The following SEPTIN9 variants were observed in gnomAD, a reference collection of about 807,000 sequenced individuals.
SEPTIN9 encodes septin 9.
SEPTIN9 carries 13 observed loss-of-function variants against 56.6 expected under a neutral mutation model. The ratio of observed to expected loss-of-function variants is 0.23; its 90% confidence interval spans 0.15 to 0.37. SEPTIN9 has a LOEUF of 0.37. Among genes scored for constraint, SEPTIN9 ranks in the 10% least tolerant of loss-of-function variants. The pLI is 1.00. For missense variants in SEPTIN9, 650 were observed against 823.1 expected (o/e 0.79, Z 2.57); for synonymous variants, 332 against 334.1 (o/e 0.99, Z 0.07).
chr17:77,373,731 C>T (rs1224097909), intron 2 of SEPTIN9: 2 of 1,266,084 alleles, frequency 1.6e-6, no homozygotes, highest in African/African-American at 1.6e-5. Context: ...GTGCCCGCGC[C>T]GCCTACGTGG....
intron 1 of SEPTIN9, chr17:77,286,391 C>CT (rs1567973715): frequency 6.6e-6 from 1 of 152,512 alleles, no homozygotes; most frequent in Non-Finnish European, 1.5e-5. Flanking sequence ...GACAGTCCAC[C>CT]TTCTTCCTGG....
chr17:77,348,294 GTTTTT>G (rs367934946), intron 2 of SEPTIN9, among the ~76,000 whole-genome samples: 1 of 89,752 alleles, frequency 1.1e-5, no homozygotes, highest in Non-Finnish European at 2.0e-5. Flanking sequence ...TTTAATTTAT[GTTTTT>G]TTTTTTTTTT....
intron 2 of SEPTIN9, among the ~76,000 whole-genome samples, chr17:77,314,319 G>A (rs574477742): frequency 6.7e-6 from 1 of 149,996 alleles, no homozygotes; most frequent in Admixed American, 6.6e-5. Flanking sequence ...TGGGATTACA[G>A]GCATGAGCCA....
In SEPTIN9 at chr17:77,405,053, TG is replaced by T; in HGVS notation, c.721+2354del. 1 of 1,533,396 alleles carries T rather than the reference TG, an allele frequency of 6.5e-7. No homozygotes were observed. The highest frequency in any genetic ancestry group is 8.7e-7 in the Non-Finnish European group (1 of 1,145,638). The allele number at this position is 1,533,396 out of a possible 1,614,324, so 95.0% of individuals were successfully genotyped here. A position where few individuals can be genotyped will look rare whatever the true frequency, so the allele number is the denominator to read the frequency against. On this transcript the variant is annotated intron_variant, in intron 3 of 11. Transcript: ENST00000427177. The surrounding 1 kb of genome is among the most constrained non-coding windows in gnomAD (Gnocchi z 5.8). ...TCAGCTGAGTCAAACAGGATGTGGC[TG>T]GGGAGGCGGTTGTCACCGAGCCATC...
chr17:77,319,312 A>G lies in SEPTIN9; in HGVS notation c.76+12115A>G, dbSNP rs936307937. Among the ~76,000 whole-genome samples the G allele has an allele frequency of 5.3e-5, 8 of 152,156 alleles. No individual in the cohort carries two copies. The highest frequency in any genetic ancestry group is 1.9e-4 in the African/African-American group (8 of 41,448). Reference sequence around the variant, plus strand: ...GACCATGTGCTGGTGGGGACCCCCCAGGTAAGTAAGCAGCCTCTGAGGACC... The same window carrying G: ...GACCATGTGCTGGTGGGGACCCCCCGGGTAAGTAAGCAGCCTCTGAGGACC... On this transcript the variant is annotated intron_variant, in intron 2 of 11. Transcript: ENST00000427177. The surrounding 1 kb of genome is among the most constrained non-coding windows in gnomAD (Gnocchi z 5.3).
chr17:77,391,809 G>A (rs2035550647), intron 2 of SEPTIN9, among the ~76,000 whole-genome samples: 2 of 152,198 alleles, frequency 1.3e-5, no homozygotes, highest in South Asian at 4.1e-4. Flanking sequence ...GTTCAAGCTG[G>A]GGCTGGTTCA....
rs2034611479 is a variant in SEPTIN9 at position 77,367,694 on chromosome 17, T to G, written c.77-34365T>G. ...AGCCGGGCATGGTAGCGGGTGCCTG[T>G]AATCCCAGCTACTCGGGAGGCTGAG... On this transcript the variant is annotated intron_variant, in intron 2 of 11. Coordinates refer to ENST00000427177, the MANE Select transcript of SEPTIN9 (RefSeq NM_001113491.2). This position sits in a 1 kb window ranked among gnomAD's most constrained non-coding sequence, Gnocchi z 4.5. Among the ~76,000 whole-genome samples, 1 of 152,064 alleles carries G rather than the reference T, an allele frequency of 6.6e-6. No homozygotes were observed. Among genetic ancestry groups the G allele is most frequent in the South Asian group, 2.1e-4 (1 of 4,830 alleles).
chr17:77,456,180 T>G lies in SEPTIN9; in HGVS notation c.722-25964T>G, dbSNP rs2038193926. Among the ~76,000 whole-genome samples the G allele has an allele frequency of 7.3e-6, 1 of 137,352 alleles. No individual in the cohort carries two copies. 90.1% of individuals were successfully genotyped at this position (137,352 alleles called of 152,430 possible). On this transcript the variant is annotated intron_variant, in intron 3 of 11. Coordinates refer to ENST00000427177, the MANE Select transcript of SEPTIN9 (RefSeq NM_001113491.2). The surrounding 1 kb of genome is among the most constrained non-coding windows in gnomAD (Gnocchi z 6.0). ...TGAGTGGGAGGGAGAATCGCTGCTG[T>G]CTGTAGCTGGGGGGCCGGGTGGGTG...
intron 2 of SEPTIN9, among the ~76,000 whole-genome samples, chr17:77,363,890 T>G (rs2034494137): frequency 6.6e-6 from 1 of 152,108 alleles, no homozygotes; most frequent in African/African-American, 2.4e-5. Flanking sequence ...CCGGCAGCCT[T>G]GGTCCTTTGT....
chr17:77,318,050 CAATAA>C lies in SEPTIN9; in HGVS notation c.76+10874_76+10878del, dbSNP rs113224602. ...TGGGTGGCAGAGCGAGACTCTGTCTCAATAAAATAAAATAAAATAAAATAATAAAT... is the reference window on the plus strand; with the variant it reads ...TGGGTGGCAGAGCGAGACTCTGTCTCAATAAAATAAAATAAAATAATAAAT... On this transcript the variant is annotated intron_variant, in intron 2 of 11. Transcript: ENST00000427177. This position sits in a 1 kb window ranked among gnomAD's most constrained non-coding sequence, Gnocchi z 4.9. Among the ~76,000 whole-genome samples the C allele has an allele frequency of 0.011, 1,578 of 149,440 alleles. 22 individuals are homozygous for C. The highest frequency in any genetic ancestry group is 0.036 in the African/African-American group (1,455 of 40,890).
chr17:77,433,010 C>T lies in SEPTIN9; in HGVS notation c.721+30307C>T, dbSNP rs985366224. ...GTCAGAGAATCCCCTGTCGCCGTGG[C>T]GGGGCTGTTCCCTCCTGCCCCTCCC... On this transcript the variant is annotated intron_variant, in intron 3 of 11. Coordinates refer to ENST00000427177, the MANE Select transcript of SEPTIN9 (RefSeq NM_001113491.2). The surrounding 1 kb of genome is among the most constrained non-coding windows in gnomAD (Gnocchi z 6.4). Among the ~76,000 whole-genome samples, 4 of 152,150 alleles carry T rather than the reference C, an allele frequency of 2.6e-5. No homozygotes were observed. Among genetic ancestry groups the T allele is most frequent in the South Asian group, 2.1e-4 (1 of 4,826 alleles).
intron 2 of SEPTIN9, among the ~76,000 whole-genome samples, chr17:77,340,043 G>C (rs1246895620): frequency 6.6e-6 from 1 of 152,056 alleles, no homozygotes; most frequent in Non-Finnish European, 1.5e-5. Flanking sequence ...TGGCCAGGCT[G>C]GTCTTGAACT....
Position 77,492,788 on chromosome 17 carries a change from G to C in SEPTIN9, c.1476+72G>C. ...TGCTGAAGGGTGGGTTGGGGGTTTG[G>C]AGGACCTTAAGCCATGAAATTATAT... On this transcript the variant is annotated intron_variant, in intron 9 of 11. Transcript: ENST00000427177. This position sits in a 1 kb window ranked among gnomAD's most constrained non-coding sequence, Gnocchi z 5.4. The C allele has an allele frequency of 5.6e-6, 8 of 1,415,994 alleles. No individual in the cohort carries two copies. Among genetic ancestry groups the C allele is most frequent in the Non-Finnish European group, 8.0e-6 (8 of 999,676 alleles). 87.7% of individuals were successfully genotyped at this position (1,415,994 alleles called of 1,614,324 possible). A position where few individuals can be genotyped will look rare whatever the true frequency, so the allele number is the denominator to read the frequency against.
chr17:77,492,819 G>T lies in SEPTIN9; in HGVS notation c.1476+103G>T. The stretch of plus-strand genomic sequence containing the variant: ...CTTAAGCCATGAAATTATATTCTTG[G>T]GGCCAGAGGGCACTGAGCCCAGGTG... On this transcript the variant is annotated intron_variant, in intron 9 of 11. Coordinates refer to ENST00000427177, the MANE Select transcript of SEPTIN9 (RefSeq NM_001113491.2). This position sits in a 1 kb window ranked among gnomAD's most constrained non-coding sequence, Gnocchi z 5.4. 1 of 1,261,478 alleles carries T rather than the reference G, an allele frequency of 7.9e-7. No individual in the cohort carries two copies. Among genetic ancestry groups the T allele is most frequent in the South Asian group, 1.2e-5 (1 of 82,912 alleles). The allele number at this position is 1,261,478 out of a possible 1,614,324, so 78.1% of individuals were successfully genotyped here.
chr17:77,318,588 A>G lies in SEPTIN9; in HGVS notation c.76+11391A>G, dbSNP rs1453962014. Among the ~76,000 whole-genome samples the G allele has an allele frequency of 6.6e-6, 1 of 151,286 alleles. No homozygotes were observed. ...CTGAGATGCTGTCCCCACCTCCCTC[A>G]CTGTCTGGCTGCCTGTGGGGCTGTC... On this transcript the variant is annotated intron_variant, in intron 2 of 11. Coordinates refer to ENST00000427177, the MANE Select transcript of SEPTIN9 (RefSeq NM_001113491.2). The surrounding 1 kb of genome is among the most constrained non-coding windows in gnomAD (Gnocchi z 4.9).
intron 2 of SEPTIN9, chr17:77,373,711 C>A: frequency 7.5e-7 from 1 of 1,328,024 alleles, no homozygotes; most frequent in South Asian, 1.8e-5. Context: ...CGCCGCGCGC[C>A]CCCGGCCCCG....
At chr17:77,322,155 G>A (rs2032961936) in intron 2 of SEPTIN9, among the ~76,000 whole-genome samples, 1 of 152,232 alleles carries the variant, frequency 6.6e-6, no homozygotes, top group Non-Finnish European at 1.5e-5. Flanking sequence ...GACCAGCAGG[G>A]GATCTGAGAG....
chr17:77,466,764 A>G (rs961556495), intron 3 of SEPTIN9, among the ~76,000 whole-genome samples: 1 of 152,230 alleles, frequency 6.6e-6, no homozygotes, highest in Non-Finnish European at 1.5e-5. Flanking sequence ...CTGATTTCAG[A>G]AGGCACAACT....
At chr17:77,332,164 C>A (rs1372911348) in intron 2 of SEPTIN9, among the ~76,000 whole-genome samples, 1 of 152,090 alleles carries the variant, frequency 6.6e-6, no homozygotes, top group Non-Finnish European at 1.5e-5. Context: ...GGAGTCCCAG[C>A]TACTCGGAAG....
Sources: gnomAD v4.1 joint callset for allele counts (sites outside exome capture counted in the v4.1 genomes callset) on GRCh38, gnomAD v4.1.1 for gene constraint, Gnocchi (gnomAD v3.1) non-coding constraint, MANE v1.5 for transcripts, NCBI Gene and HGNC (gene_info 2026-07-23, HGNC 2026-07-21) for gene names.